INSL6: variants seen among roughly 807,000 people sequenced by gnomAD.
The protein encoded by INSL6 is insulin like 6, also known as insulin-like peptide INSL6.
A neutral mutation model predicts 9.4 loss-of-function variants in INSL6; 16 were observed. The observed-to-expected ratio is 1.70, with a 90% confidence interval of 1.15 to 2.59. The LOEUF is 2.59. Ranked by LOEUF, INSL6 falls within the 30% of genes most tolerant of loss-of-function variation. INSL6 has a pLI of 0.00. For synonymous variants in INSL6, 154 were observed against 96.9 expected (o/e 1.59, Z -3.46); for missense variants, 391 against 257.3 (o/e 1.52, Z -3.56).
intron 1 of INSL6, among the ~76,000 whole-genome samples, chr9:5,179,472 T>G (rs996320311): frequency 6.6e-6 from 1 of 151,574 alleles, no homozygotes; most frequent in African/African-American, 2.5e-5. Flanking sequence ...AAATACCATT[T>G]GACCCAGCAA....
chr9:5,003,074 C>T, the INSL6 span, among the ~76,000 whole-genome samples: 1 of 151,950 alleles, frequency 6.6e-6, no homozygotes, highest in African/African-American at 2.4e-5. Context: ...GGACTCTATT[C>T]TGTTCCATTT....
At chr9:5,011,150 T>G in the INSL6 span, among the ~76,000 whole-genome samples, 1 of 152,218 alleles carries the variant, frequency 6.6e-6, no homozygotes, top group African/African-American at 2.4e-5. Context: ...TTGATTTTTT[T>G]AAACAAACTT....
the INSL6 span, among the ~76,000 whole-genome samples, chr9:4,992,982 T>G: frequency 6.6e-6 from 1 of 152,210 alleles, no homozygotes; most frequent in Admixed American, 6.5e-5. Context: ...CCAACCCATA[T>G]AAATTGCTTT....
At chr9:5,011,012 T>TC in the INSL6 span, among the ~76,000 whole-genome samples, 1 of 152,214 alleles carries the variant, frequency 6.6e-6, no homozygotes, top group South Asian at 2.1e-4. Flanking sequence ...TTGTCTTGGT[T>TC]CTCCTGTATG....
At chr9:5,175,282 A>G (rs1825273356) in intron 1 of INSL6, among the ~76,000 whole-genome samples, 1 of 152,076 alleles carries the variant, frequency 6.6e-6, no homozygotes, top group South Asian at 2.1e-4. Context: ...CTCACATCAA[A>G]TATGGCCCGT....
the INSL6 span, among the ~76,000 whole-genome samples, chr9:5,068,223 T>C: frequency 6.6e-6 from 1 of 151,554 alleles, no homozygotes; most frequent in East Asian, 1.9e-4. Flanking sequence ...AAGAACCTGA[T>C]TGACCTTGAG....
the INSL6 span, chr9:5,041,091 G>A: frequency 9.1e-5 from 65 of 716,414 alleles, no homozygotes; most frequent in Non-Finnish European, 9.6e-5. Flanking sequence ...ACTACAGCCT[G>A]GAGGACCTGT....
chr9:5,033,923 C>T, the INSL6 span, among the ~76,000 whole-genome samples: 1 of 152,098 alleles, frequency 6.6e-6, no homozygotes, highest in Admixed American at 6.5e-5. Flanking sequence ...GCTAAATGCT[C>T]CAATTAAAAG....
At chr9:5,047,895 C>A in the INSL6 span, among the ~76,000 whole-genome samples, 1 of 152,092 alleles carries the variant, frequency 6.6e-6, no homozygotes, top group Admixed American at 6.6e-5. Flanking sequence ...GCCACCACAC[C>A]TGGCCTGAAA....
At chr9:5,063,885 T>C in the INSL6 span, among the ~76,000 whole-genome samples, 130 of 152,340 alleles carry the variant, frequency 8.5e-4, 2 homozygotes, top group East Asian at 0.02. Flanking sequence ...AGGCCGGGCA[T>C]GGTGACTCAC....
At chr9:5,109,138 C>G in the INSL6 span, 1 of 152,122 alleles carries the variant, frequency 6.6e-6, no homozygotes, top group African/African-American at 2.4e-5. Context: ...ACCCTCTACT[C>G]CCTACATGTA....
At chr9:5,069,010 A>T in the INSL6 span, 1 of 1,492,844 alleles carries the variant, frequency 6.7e-7, no homozygotes. Context: ...CTTTATAATT[A>T]AACTTATACA....
chr9:5,132,181 C>G (rs1226578301), intron 3 of INSL6: 1 of 152,094 alleles, frequency 6.6e-6, no homozygotes, highest in African/African-American at 2.4e-5. Flanking sequence ...AAGAAGGCAC[C>G]ATTCATTTTT....
chr9:5,020,028 G>C, the INSL6 span, among the ~76,000 whole-genome samples: 1 of 152,182 alleles, frequency 6.6e-6, no homozygotes, highest in East Asian at 1.9e-4. Flanking sequence ...CAGGTGACTT[G>C]TTTGGGTACC....
chr9:4,999,181 G>A, the INSL6 span, among the ~76,000 whole-genome samples: 2 of 152,090 alleles, frequency 1.3e-5, no homozygotes, highest in African/African-American at 4.8e-5. Context: ...GCTGGCCCAA[G>A]GTAAAATGAT....
chr9:5,051,675 G>A, the INSL6 span, among the ~76,000 whole-genome samples: 3 of 152,144 alleles, frequency 2.0e-5, no homozygotes, highest in African/African-American at 7.2e-5. Flanking sequence ...AGGCAAATAT[G>A]TATTTTATAT....
At chr9:5,131,708 G>A (rs569519988) in intron 3 of INSL6, among the ~76,000 whole-genome samples, 1 of 152,056 alleles carries the variant, frequency 6.6e-6, no homozygotes, top group Non-Finnish European at 1.5e-5. Flanking sequence ...CCAAAGTGCT[G>A]GGATTACAGG....
At chr9:5,087,587 AG>A in the INSL6 span, among the ~76,000 whole-genome samples, 2 of 152,216 alleles carry the variant, frequency 1.3e-5, no homozygotes, top group African/African-American at 4.8e-5. Flanking sequence ...AGAAAAATAG[AG>A]GCATTCCGAA....
chr9:5,031,852 T>G, the INSL6 span, among the ~76,000 whole-genome samples: 1 of 152,190 alleles, frequency 6.6e-6, no homozygotes, highest in African/African-American at 2.4e-5. Flanking sequence ...ACGGGTGATT[T>G]CTGCATTTCC....
Sources: allele counts gnomAD v4.1 joint callset (sites outside exome capture counted in the v4.1 genomes callset), GRCh38; gene constraint gnomAD v4.1.1; transcripts MANE v1.5; gene names NCBI Gene and HGNC (gene_info 2026-07-23, HGNC 2026-07-21).